PIP5K1B: variants seen among roughly 807,000 people sequenced by gnomAD.
The protein encoded by PIP5K1B is phosphatidylinositol-4-phosphate 5-kinase type 1 beta.
A neutral mutation model predicts 67.0 loss-of-function variants in PIP5K1B; 42 were observed. The ratio of observed to expected loss-of-function variants is 0.63; its 90% CI spans 0.49 to 0.81. The LOEUF (loss-of-function observed/expected upper bound fraction) is 0.81, where lower values mean the gene tolerates loss of function less well. Among genes scored for constraint, PIP5K1B ranks in the 30% least tolerant of loss-of-function variants. The pLI is 0.00. For missense variants in PIP5K1B, 459 were observed against 646.3 expected (o/e 0.71, Z 3.14); for synonymous variants, 214 against 231.4 (o/e 0.92, Z 0.68).
chr9:68,882,435 G>A (rs1414947), intron 6 of PIP5K1B, among the ~76,000 whole-genome samples: 67,945 of 151,926 alleles, frequency 0.45, 15,369 homozygotes, highest in South Asian at 0.51. Context: ...TATTTCATTC[G>A]TGTTATGTAT....
intron 15 of PIP5K1B, among the ~76,000 whole-genome samples, chr9:68,992,301 T>G (rs1186582704): frequency 6.6e-6 from 1 of 152,108 alleles, no homozygotes; most frequent in Admixed American, 6.5e-5. Flanking sequence ...AAGTGTTCTT[T>G]TGGAATTTTC....
At chr9:68,800,173 G>C (rs540819165) in intron 2 of PIP5K1B, among the ~76,000 whole-genome samples, 42 of 152,342 alleles carry the variant, frequency 2.8e-4, no homozygotes, top group African/African-American at 1.0e-3. Context: ...TGAAGGGGCT[G>C]GTGGAGATAC....
At chr9:68,794,107 G>A (rs967774827) in intron 2 of PIP5K1B, among the ~76,000 whole-genome samples, 9 of 152,216 alleles carry the variant, frequency 5.9e-5, no homozygotes, top group Admixed American at 5.9e-4. Context: ...TGACATAGAG[G>A]TTACAAGTCA....
chr9:68,893,311 G>A (rs1423506835), intron 7 of PIP5K1B, among the ~76,000 whole-genome samples: 1 of 149,184 alleles, frequency 6.7e-6, no homozygotes, highest in African/African-American at 2.5e-5. Context: ...ACAAAAGTAG[G>A]CATGTATTCC....
chr9:68,963,797 A>C (rs527321606), intron 14 of PIP5K1B, among the ~76,000 whole-genome samples: 1 of 152,192 alleles, frequency 6.6e-6, no homozygotes, highest in Admixed American at 6.5e-5. Context: ...CACTTTAGAC[A>C]ATAGATCCTT....
intron 2 of PIP5K1B, among the ~76,000 whole-genome samples, chr9:68,773,047 G>A (rs1374964784): frequency 6.6e-6 from 1 of 152,188 alleles, no homozygotes; most frequent in Non-Finnish European, 1.5e-5. Context: ...ACTGCTGGAA[G>A]TATGATAATC....
rs756367601 is a variant in PIP5K1B at position 68,888,970 on chromosome 9, T to G, written c.319-11T>G. 1 of 1,584,288 alleles carries G rather than the reference T, an allele frequency of 6.3e-7. No individual in the cohort carries two copies. The highest frequency in any genetic ancestry group is 8.7e-7 in the Non-Finnish European group (1 of 1,153,678). ...GTATATGTTTTAATGTTTATTCATT[T>G]ACCCTTTTAGTATTCCATCTGCAGT... On this transcript the variant is annotated splice_polypyrimidine_tract_variant and intron_variant, in intron 6 of 15. Coordinates refer to ENST00000265382, the MANE Select transcript of PIP5K1B (RefSeq NM_003558.4).
chr9:68,804,645 G>A (rs932648249), intron 2 of PIP5K1B, among the ~76,000 whole-genome samples: 27 of 147,096 alleles, frequency 1.8e-4, no homozygotes, highest in African/African-American at 5.1e-4. Flanking sequence ...AGGATGGAGC[G>A]CAGTGGCATG....
chr9:68,975,820 A>G (rs1160742723), intron 14 of PIP5K1B, among the ~76,000 whole-genome samples: 1 of 152,148 alleles, frequency 6.6e-6, no homozygotes, highest in South Asian at 2.1e-4. Context: ...TTTATCTTCC[A>G]TGGAGCTTTC....
chr9:68,995,420 A>T (rs1830561568), intron 15 of PIP5K1B, among the ~76,000 whole-genome samples: 1 of 152,116 alleles, frequency 6.6e-6, no homozygotes, highest in Non-Finnish European at 1.5e-5. Flanking sequence ...ATGCTGGAAA[A>T]TTTTATTTTT....
chr9:68,780,364 G>C (rs1381723447), intron 2 of PIP5K1B: 3 of 1,612,600 alleles, frequency 1.9e-6, no homozygotes, highest in Non-Finnish European at 2.5e-6. Flanking sequence ...ACGTTCCCGA[G>C]CCGCCACGGC....
At chr9:68,978,374 C>T (rs1212391497) in intron 14 of PIP5K1B, among the ~76,000 whole-genome samples, 1 of 152,216 alleles carries the variant, frequency 6.6e-6, no homozygotes, top group African/African-American at 2.4e-5. Context: ...CAGTGTTTGG[C>T]TTTTTGCGTC....
intron 2 of PIP5K1B, among the ~76,000 whole-genome samples, chr9:68,778,680 G>A (rs1326174601): frequency 1.3e-5 from 2 of 152,122 alleles, no homozygotes; most frequent in Non-Finnish European, 2.9e-5. Flanking sequence ...GTTTTCCACA[G>A]AGCCTAAGTG....
rs545777838 is a variant in PIP5K1B, at chr9:68,940,556, G to T, written c.1358-90G>T. 38 of 1,223,466 alleles carry T rather than the reference G, an allele frequency of 3.1e-5. No individual in the cohort carries two copies. In the African/African-American group the frequency reaches 4.9e-4, roughly 16 times the overall value. 75.8% of individuals were successfully genotyped at this position (1,223,466 alleles called of 1,614,324 possible). A position where few individuals can be genotyped will look rare whatever the true frequency, so the allele number is the denominator to read the frequency against. On this transcript the variant is annotated intron_variant, in intron 13 of 15. Transcript: ENST00000265382. ...GAATTTGCAGCCTGATAGGTAAAAT[G>T]AATGCTTTTGACTCATTTCAATTAT...
chr9:68,929,096 G>C (rs1052056829), intron 12 of PIP5K1B, among the ~76,000 whole-genome samples: 2 of 149,072 alleles, frequency 1.3e-5, no homozygotes, highest in African/African-American at 2.5e-5. Flanking sequence ...CTGGGAGGCA[G>C]AGGTTGCAGT....
intron 6 of PIP5K1B, among the ~76,000 whole-genome samples, chr9:68,879,596 A>C (rs749053872): frequency 7.9e-5 from 12 of 152,176 alleles, no homozygotes; most frequent in Non-Finnish European, 1.8e-4. Context: ...ATAAATAAAA[A>C]ACAAAATTTG....
intron 1 of PIP5K1B, among the ~76,000 whole-genome samples, chr9:68,738,154 A>G (rs1411942489): frequency 6.6e-6 from 1 of 152,210 alleles, no homozygotes; most frequent in African/African-American, 2.4e-5. Context: ...TGAAAAATTC[A>G]TATGTATGTG....
chr9:68,989,253 G>T (rs988642189), intron 14 of PIP5K1B, among the ~76,000 whole-genome samples: 1 of 151,980 alleles, frequency 6.6e-6, no homozygotes, highest in African/African-American at 2.4e-5. Flanking sequence ...GTTCCCAGAC[G>T]CGGGAAAGAC....
chr9:68,913,483 G>C (rs1337551310), intron 8 of PIP5K1B, among the ~76,000 whole-genome samples: 1 of 152,234 alleles, frequency 6.6e-6, no homozygotes, highest in African/African-American at 2.4e-5. Context: ...GATGATATGA[G>C]TAACGGAACT....
Sources: allele counts gnomAD v4.1 joint callset (sites outside exome capture counted in the v4.1 genomes callset), GRCh38; gene constraint gnomAD v4.1.1; transcripts MANE v1.5; gene names NCBI Gene and HGNC (gene_info 2026-07-23, HGNC 2026-07-21).